Variants in DNAH14 observed in about 807,000 individuals in gnomAD.
The protein encoded by DNAH14 is dynein axonemal heavy chain 14.
DNAH14 carries 478 observed loss-of-function variants against 520.9 expected under a neutral mutation model. The observed-to-expected ratio is 0.92, with a 90% CI of 0.85 to 0.99. The LOEUF (loss-of-function observed/expected upper bound fraction) is 0.99. DNAH14 is among the 50% of genes least tolerant of loss of function. The probability of loss-of-function intolerance (pLI) is 0.00; values close to 1 mark genes in which losing one functional copy is unlikely to be tolerated. For synonymous variants in DNAH14, 1,581 were observed against 1,757.2 expected, an observed-to-expected ratio of 0.90 and a Z score of 2.51; for missense variants, 4,831 against 5,234.5, an observed-to-expected ratio of 0.92 and a Z score of 2.38.
chr1:224,943,584 G>A (rs1333970245), intron 1 of DNAH14, among the ~76,000 whole-genome samples: 1 of 152,106 alleles, frequency 6.6e-6, no homozygotes, highest in African/African-American at 2.4e-5. Flanking sequence ...TAATTGCGAT[G>A]TTAGGGCGTC....
intron 68 of DNAH14, among the ~76,000 whole-genome samples, chr1:225,340,244 A>C (rs2095150919): frequency 6.6e-6 from 1 of 152,206 alleles, no homozygotes; most frequent in Non-Finnish European, 1.5e-5. Flanking sequence ...AACTAAACAT[A>C]GTATGTACAC....
intron 8 of DNAH14, among the ~76,000 whole-genome samples, chr1:224,989,418 T>C (rs2062876756): frequency 6.6e-6 from 1 of 152,206 alleles, no homozygotes; most frequent in African/African-American, 2.4e-5. Flanking sequence ...ATATTGATCT[T>C]ATATGCTATA....
Position 225,346,138 on chromosome 1 carries a change from G to A in DNAH14, c.10855G>A (p.Asp3619Asn), listed in dbSNP as rs1033475498. 6.4e-7 allele frequency: 1 copy of A among 1,551,538 alleles called. No individual in the cohort carries two copies. Among genetic ancestry groups the A allele is most frequent in the Non-Finnish European group, 8.7e-7 (1 of 1,146,976 alleles). Residue 3619 changes from aspartate (D) to asparagine (N), a missense_variant, in exon 70 of 86, where the codon GAT becomes AAT. Physicochemically the swap from Asp to Asn is conservative, Grantham distance 23. Transcript: ENST00000682510. ...CGCCCTGCTCTACTTCCTAGTAGCTGATCTCACACAAATCAACTACATGTA... is the reference window on the plus strand; with the variant it reads ...CGCCCTGCTCTACTTCCTAGTAGCTAATCTCACACAAATCAACTACATGTA... The part of the protein sequence containing the change: ...RGALLYFLVA[D>N]LTQINYMYQF...
chr1:225,227,867 C>T (rs1318691899), intron 41 of DNAH14, among the ~76,000 whole-genome samples: 1 of 152,124 alleles, frequency 6.6e-6, no homozygotes, highest in Non-Finnish European at 1.5e-5. Context: ...ACTACCCATC[C>T]ATATGTTTTC....
intron 52 of DNAH14, 74 bp downstream of exon 52, chr1:225,273,199 G>A (rs1312372781): frequency 4.3e-6 from 6 of 1,408,890 alleles, no homozygotes; most frequent in East Asian, 2.6e-5. Flanking sequence ...TTGGGAGGCC[G>A]AAGCGGGCAG....
intron 38 of DNAH14, among the ~76,000 whole-genome samples, chr1:225,202,430 T>C (rs925751234): frequency 1.3e-5 from 2 of 152,106 alleles, no homozygotes; most frequent in African/African-American, 4.8e-5. Flanking sequence ...AGGAGGATTA[T>C]GGCTGCCTCT....
intron 65 of DNAH14, 31 bp from the exon 66 acceptor site, chr1:225,333,259 AT>A (rs1161365283): frequency 1.4e-6 from 2 of 1,472,810 alleles, no homozygotes; most frequent in Non-Finnish European, 1.8e-6. Context: ...TATATTTTAT[AT>A]AGAATAACTC....
chr1:225,038,696 C>T lies in DNAH14; in HGVS notation c.1361C>T (p.Thr454Ile). ...TTTCTTCCCATTTCTTAATCCAGAA[C>T]ATTCAAGGACAACTCTTTTCCTACT... ...VEKKNENLIRTFKDNSFPTGK... is the reference protein window; with the variant it reads ...VEKKNENLIRIFKDNSFPTGK... Residue 454 changes from threonine (T) to isoleucine (I), a missense_variant and splice_region_variant, in exon 12 of 86, where the codon ACA (threonine) becomes ATA (isoleucine). Thr to Ile is a moderately conservative substitution (Grantham distance 89). Coordinates refer to ENST00000682510, the MANE Select transcript of DNAH14 (RefSeq NM_001367479.1). The T allele has an allele frequency of 6.6e-7, 1 of 1,523,054 alleles. No individual in the cohort carries two copies. The highest frequency in any genetic ancestry group is 1.7e-4 in the Middle Eastern group (1 of 5,916). 94.3% of individuals were successfully genotyped at this position (1,523,054 alleles called of 1,614,324 possible). A position where few individuals can be genotyped will look rare whatever the true frequency, so the allele number is the denominator to read the frequency against.
At chr1:225,005,499 A>G (rs1430055708) in intron 9 of DNAH14, among the ~76,000 whole-genome samples, 1 of 152,192 alleles carries the variant, frequency 6.6e-6, no homozygotes, top group African/African-American at 2.4e-5. Context: ...AAATGCAGGT[A>G]TAAGCAATAA....
intron 41 of DNAH14, among the ~76,000 whole-genome samples, chr1:225,212,081 G>A (rs920815437): frequency 7.5e-5 from 8 of 106,136 alleles, no homozygotes; most frequent in Admixed American, 4.4e-4. Flanking sequence ...GACAGGCCCC[G>A]GTGTGTAATG....
At chr1:225,287,862 G>T (rs147211707) in intron 54 of DNAH14, among the ~76,000 whole-genome samples, 59 of 152,232 alleles carry the variant, frequency 3.9e-4, no homozygotes, top group African/African-American at 1.4e-3. Context: ...CCAACTAAAA[G>T]AGTTCACAGT....
At chr1:224,969,589 A>G in intron 7 of DNAH14, 1 of 229,954 alleles carries the variant, frequency 4.3e-6, no homozygotes. Flanking sequence ...CACATTGAGT[A>G]GGCTGAGGAG....
intron 10 of DNAH14, 100 bp downstream of exon 10, chr1:225,007,644 GT>G: frequency 9.4e-7 from 1 of 1,059,056 alleles, no homozygotes; most frequent in South Asian, 1.8e-5. Context: ...AAATGGAAAG[GT>G]AAGGAACAAA....
Position 225,333,336 on chromosome 1 carries a change from G to A in DNAH14, c.9910G>A (p.Gly3304Arg). The change falls in exon 66 of 86, where the codon GGA (glycine) becomes AGA (arginine). Residue 3304 changes from glycine to arginine, a missense_variant. Coordinates refer to ENST00000682510, the MANE Select transcript of DNAH14 (RefSeq NM_001367479.1). ...CAATCAAATAGATAACAAATTAGAA[G>A]GAATTTTGGGTGACATACTTCTTTC... ...TINQIDNKLEGILGDILLSAA... is the reference protein window; with the variant it reads ...TINQIDNKLERILGDILLSAA... 4 of 1,551,616 alleles carry A rather than the reference G, an allele frequency of 2.6e-6. No homozygotes were observed. Among genetic ancestry groups the A allele is most frequent in the Non-Finnish European group, 3.5e-6 (4 of 1,146,878 alleles).
intron 77 of DNAH14, among the ~76,000 whole-genome samples, chr1:225,374,260 A>G (rs2095664613): frequency 1.0e-5 from 1 of 99,440 alleles, no homozygotes; most frequent in African/African-American, 3.8e-5. Flanking sequence ...ATATATATAT[A>G]TATATATATA....
intron 81 of DNAH14, among the ~76,000 whole-genome samples, chr1:225,384,748 C>T (rs1363892068): frequency 1.3e-5 from 2 of 152,076 alleles, no homozygotes; most frequent in Non-Finnish European, 2.9e-5. Flanking sequence ...AGCCTACCAA[C>T]CAAAAAAAGT....
At chr1:225,274,330 G>T (rs984306863) in intron 52 of DNAH14, among the ~76,000 whole-genome samples, 2 of 148,986 alleles carry the variant, frequency 1.3e-5, no homozygotes, top group Non-Finnish European at 3.0e-5. Flanking sequence ...TCAGCCTCCC[G>T]AGTAGCTGGG....
intron 53 of DNAH14, among the ~76,000 whole-genome samples, chr1:225,276,391 G>A (rs1304582778): frequency 6.6e-6 from 1 of 152,150 alleles, no homozygotes; most frequent in Non-Finnish European, 1.5e-5. Context: ...AATGAATAGA[G>A]TTCATGAAGA....
rs546935983 is a variant in DNAH14, at chr1:225,149,206, G to T, written c.4940+1957G>T. ...AGGGAGTGTTTTCTCCATTGAGTTT[G>T]TCATGTTTGTCAAAGATCAGATGGT... On this transcript the variant is annotated intron_variant, in intron 31 of 85. Transcript: ENST00000682510. Among the ~76,000 whole-genome samples, 12 of 152,218 alleles carry T rather than the reference G, an allele frequency of 7.9e-5. No homozygotes were observed. The South Asian group carries it at 2.5e-3, about 32-fold the overall frequency.
Sources: allele counts gnomAD v4.1 joint callset (sites outside exome capture counted in the v4.1 genomes callset), GRCh38; gene constraint gnomAD v4.1.1; transcripts MANE v1.5; gene names NCBI Gene and HGNC (gene_info 2026-07-23, HGNC 2026-07-21).